FAIM2: variants seen among roughly 807,000 people sequenced by gnomAD.
The protein encoded by FAIM2 is Fas apoptotic inhibitory molecule 2, also known as protein lifeguard 2.
A neutral mutation model predicts 47.4 loss-of-function variants in FAIM2; 27 were observed. That is an observed-to-expected ratio of 0.57 (90% CI 0.42 to 0.78). The LOEUF is 0.78. Ranked by LOEUF, FAIM2 falls within the 30% of genes least tolerant of loss-of-function variation. The pLI, the probability that FAIM2 is intolerant of heterozygous loss-of-function variation, is 0.00. For synonymous variants in FAIM2, 156 were observed against 159.3 expected (o/e 0.98, Z 0.16); for missense variants, 311 against 389.4 (o/e 0.80, Z 1.69).
At chr12:49,880,007 C>T (rs1052852517) in intron 11 of FAIM2, among the ~76,000 whole-genome samples, 6 of 121,152 alleles carry the variant, frequency 5.0e-5, no homozygotes, top group Non-Finnish European at 7.1e-5. Flanking sequence ...TGCATATATG[C>T]GTGTGTATGT....
intron 5 of FAIM2, 130 bp from the exon 6 acceptor site, chr12:49,891,244 C>T (rs1025544672): frequency 8.7e-6 from 7 of 801,110 alleles, no homozygotes; most frequent in African/African-American, 3.4e-5. Flanking sequence ...GGGGAGGCCA[C>T]GGTCATCCTA....
In FAIM2 at chr12:49,901,081, T is replaced by C. The variant is rs753165865; in HGVS notation, c.211+49A>G. The C allele has an allele frequency of 3.5e-6, 5 of 1,445,958 alleles. No individual in the cohort carries two copies. The African/African-American group carries it at 5.9e-5, about 17-fold the overall frequency. The allele number at this position is 1,445,958 out of a possible 1,614,324, so 89.6% of individuals were successfully genotyped here. A position where few individuals can be genotyped will look rare whatever the true frequency, so the allele number is the denominator to read the frequency against. On this transcript the variant is annotated intron_variant, in intron 2 of 11. Transcript: ENST00000320634. ...CTCCTACTCAGGTTTTCCCTCTGGGTCCACCCCCACCCCATGATGCTTCAG... is the reference window on the plus strand; with the variant it reads ...CTCCTACTCAGGTTTTCCCTCTGGGCCCACCCCCACCCCATGATGCTTCAG...
At position 49,900,979 on chromosome 12, in the gene FAIM2, A is replaced by T. The variant is rs529350582; in HGVS notation, c.211+151T>A. 6.2e-4 allele frequency: 360 copies of T among 578,946 alleles called. 7 individuals carry two copies. The East Asian group carries it at 0.011, about 18-fold the overall frequency. 35.9% of individuals were successfully genotyped at this position (578,946 alleles called of 1,614,324 possible). On this transcript the variant is annotated intron_variant, in intron 2 of 11. Transcript: ENST00000320634. ...GGAGTTGTCTCTGACCTACCCTCAG[A>T]CTAGTTCTCCAAATCCTAAGCATCT...
intron 11 of FAIM2, among the ~76,000 whole-genome samples, chr12:49,880,941 CT>C (rs1352340399): frequency 6.6e-6 from 1 of 151,972 alleles, no homozygotes; most frequent in Non-Finnish European, 1.5e-5. Context: ...GCATGCTCAG[CT>C]TAGCAGCAGC....
intron 11 of FAIM2, among the ~76,000 whole-genome samples, chr12:49,873,124 G>C (rs1212908893): frequency 6.6e-6 from 1 of 152,076 alleles, no homozygotes; most frequent in East Asian, 1.9e-4. Context: ...CCTGCACGGG[G>C]TGCGTCAGTC....
chr12:49,880,800 G>C (rs113575485), intron 11 of FAIM2, among the ~76,000 whole-genome samples: 1 of 151,966 alleles, frequency 6.6e-6, no homozygotes, highest in Middle Eastern at 3.2e-3. Flanking sequence ...ATATGTGTTT[G>C]TGCATGTGGC....
At chr12:49,889,356 A>C in intron 9 of FAIM2, 125 bp downstream of exon 9, 2 of 1,037,170 alleles carry the variant, frequency 1.9e-6, no homozygotes, top group Non-Finnish European at 2.9e-6. Context: ...GGCTTCCCCA[A>C]ACCCAACTCA....
intron 11 of FAIM2, among the ~76,000 whole-genome samples, chr12:49,876,928 A>C (rs1311001914): frequency 1.3e-5 from 2 of 152,228 alleles, no homozygotes; most frequent in African/African-American, 4.8e-5. Flanking sequence ...AGTGAGGCAC[A>C]GAGCAGTCAG....
chr12:49,877,815 TG>T (rs1946747653), intron 11 of FAIM2, among the ~76,000 whole-genome samples: 1 of 151,340 alleles, frequency 6.6e-6, no homozygotes, highest in South Asian at 2.1e-4. Context: ...TGTGCGTATG[TG>T]TATGTGTGTC....
At chr12:49,878,074 TTA>T (rs1315398032) in intron 11 of FAIM2, among the ~76,000 whole-genome samples, 1 of 125,466 alleles carries the variant, frequency 8.0e-6, no homozygotes, top group Admixed American at 8.3e-5. Context: ...GTATGTGTGT[TTA>T]TGTGTGCATG....
chr12:49,897,446 G>C (rs1454734912), intron 4 of FAIM2, 73 bp downstream of exon 4: 1 of 1,397,760 alleles, frequency 7.2e-7, no homozygotes. Flanking sequence ...GCAGGAGTCT[G>C]ATCATGGGTT....
In FAIM2 at chr12:49,880,586, A is replaced by G. The variant is rs898371532; in HGVS notation, c.801+6800T>C. Among the ~76,000 whole-genome samples the G allele has an allele frequency of 8.5e-5, 12 of 141,684 alleles. No homozygotes were observed. The South Asian group carries it at 2.5e-3, about 30-fold the overall frequency. The allele number at this position is 141,684 out of a possible 152,430, so 93.0% of individuals were successfully genotyped here. A position where few individuals can be genotyped will look rare whatever the true frequency, so the allele number is the denominator to read the frequency against. Reference sequence around the variant, plus strand: ...CATGTGTGTATCTGTGCATGTGTATATGTGCATGTGTATGTGTGTGCATGT... The same window carrying G: ...CATGTGTGTATCTGTGCATGTGTATGTGTGCATGTGTATGTGTGTGCATGT... On this transcript the variant is annotated intron_variant, in intron 11 of 11. Coordinates refer to ENST00000320634, the MANE Select transcript of FAIM2 (RefSeq NM_012306.4).
At chr12:49,901,487 G>A (rs1337275873) in intron 1 of FAIM2, 162 bp from the exon 2 acceptor site, 1 of 573,606 alleles carries the variant, frequency 1.7e-6, no homozygotes, top group Non-Finnish European at 2.9e-6. Flanking sequence ...TTATAGACAA[G>A]AGAACTAAGC....
chr12:49,879,057 CATGT>C (rs1237154606), intron 11 of FAIM2, among the ~76,000 whole-genome samples: 1 of 120,864 alleles, frequency 8.3e-6, no homozygotes, highest in Non-Finnish European at 1.7e-5. Flanking sequence ...TGTGTATGTG[CATGT>C]ATGTATATGT....
intron 5 of FAIM2, among the ~76,000 whole-genome samples, chr12:49,893,389 G>A (rs1238781694): frequency 1.3e-5 from 2 of 152,120 alleles, no homozygotes; most frequent in Admixed American, 6.6e-5. Flanking sequence ...CATCTTCTGT[G>A]CACTGCAGGC....
intron 4 of FAIM2, 114 bp downstream of exon 4, chr12:49,897,405 C>T (rs941099293): frequency 6.1e-6 from 6 of 989,532 alleles, no homozygotes; most frequent in African/African-American, 3.2e-5. Context: ...AGGCCCACTG[C>T]CCCACAGGCA....
At chr12:49,878,958 A>G (rs1272870388) in intron 11 of FAIM2, among the ~76,000 whole-genome samples, 1 of 125,736 alleles carries the variant, frequency 8.0e-6, no homozygotes, top group Non-Finnish European at 1.6e-5. Context: ...GTTCATGTGT[A>G]TATGTGCGTA....
chr12:49,880,377 T>C lies in FAIM2; in HGVS notation c.801+7009A>G, dbSNP rs562472055. On this transcript the variant is annotated intron_variant, in intron 11 of 11. Coordinates refer to ENST00000320634, the MANE Select transcript of FAIM2 (RefSeq NM_012306.4). The stretch of plus-strand genomic sequence containing the variant: ...ATGTATGTATATGTGCATGTGTATG[T>C]GTGTCTATGTGTGCATGTGAGTGTA... Among the ~76,000 whole-genome samples, 3 of 79,024 alleles carry C rather than the reference T, an allele frequency of 3.8e-5. No homozygotes were observed. In the East Asian group the frequency reaches 1.1e-3, roughly 28 times the overall value. The allele number at this position is 79,024 out of a possible 152,430, so 51.8% of individuals were successfully genotyped here.
intron 11 of FAIM2, among the ~76,000 whole-genome samples, chr12:49,883,005 A>G (rs1329884681): frequency 6.6e-6 from 1 of 152,184 alleles, no homozygotes; most frequent in Non-Finnish European, 1.5e-5. Context: ...ACAGAGCTGC[A>G]CACACTTGAA....
Sources: gnomAD v4.1 joint callset for allele counts (sites outside exome capture counted in the v4.1 genomes callset) on GRCh38, gnomAD v4.1.1 for gene constraint, MANE v1.5 for transcripts, NCBI Gene and HGNC (gene_info 2026-07-23, HGNC 2026-07-21) for gene names.